ADGRL3: variants seen among roughly 807,000 people sequenced by gnomAD.
The protein encoded by ADGRL3 is adhesion G protein-coupled receptor L3.
ADGRL3 carries 62 observed loss-of-function variants against 153.5 expected under a neutral mutation model. The ratio of observed to expected loss-of-function variants is 0.40; its 90% CI spans 0.33 to 0.50. The LOEUF is 0.50. Ranked by LOEUF, ADGRL3 falls within the 20% of genes least tolerant of loss-of-function variation. The pLI is 0.47. For missense variants in ADGRL3, 1,641 were observed against 1,859.4 expected, an observed-to-expected ratio of 0.88 and a Z score of 2.16; for synonymous variants, 710 against 672.5, an observed-to-expected ratio of 1.06 and a Z score of -0.86.
At chr4:61,468,052 G>A (rs765967598) in intron 2 of ADGRL3, among the ~76,000 whole-genome samples, 5 of 152,036 alleles carry the variant, frequency 3.3e-5, no homozygotes, top group Non-Finnish European at 5.9e-5. Flanking sequence ...TGTAAAAATC[G>A]CTTTAGGCCC....
At chr4:61,295,085 C>G (rs140895454) in intron 1 of ADGRL3, among the ~76,000 whole-genome samples, 5 of 152,126 alleles carry the variant, frequency 3.3e-5, no homozygotes, top group Non-Finnish European at 7.4e-5. Flanking sequence ...TGAAATCTCA[C>G]GTTGTCCTGC....
chr4:62,070,888 C>T lies in ADGRL3; in HGVS notation c.4612C>T (p.His1538Tyr). 1.3e-6 allele frequency: 2 copies of T among 1,549,652 alleles called. No individual in the cohort carries two copies. Among genetic ancestry groups the T allele is most frequent in the Non-Finnish European group, 1.7e-6 (2 of 1,145,904 alleles). ...PPEGSSKGPAHLVTSL is the reference protein window; with the variant it reads ...PPEGSSKGPAYLVTSL ...CGAGGGAAGTTCAAAAGGACCGGCT[C>T]ATTTGGTCACTAGTCTATAGAAGAT... The change falls in exon 27 of 27, where the codon CAT (histidine) becomes TAT (tyrosine). Residue 1538 changes from histidine (H) to tyrosine (Y), a missense_variant. His to Tyr is a moderately conservative substitution (Grantham distance 83, BLOSUM62 2). Transcript: ENST00000683033.
intron 4 of ADGRL3, chr4:61,579,649 T>G (rs536691875): frequency 2.0e-6 from 1 of 501,246 alleles, no homozygotes; most frequent in Non-Finnish European, 3.9e-6. Flanking sequence ...AATTGTTTGA[T>G]GATGTACCAC....
At chr4:61,684,881 A>G (rs2095413753) in intron 6 of ADGRL3, among the ~76,000 whole-genome samples, 1 of 151,580 alleles carries the variant, frequency 6.6e-6, no homozygotes, top group South Asian at 2.1e-4. Context: ...CTAGAGTTTC[A>G]TTCTAGTAGA....
rs375555324 is a variant in ADGRL3, at chr4:61,868,971, C to T, written c.1481-23685C>T. On this transcript the variant is annotated intron_variant, in intron 9 of 26. Coordinates refer to ENST00000683033, the MANE Select transcript of ADGRL3 (RefSeq NM_001387552.1). ...CTTGAGACAGGGTCTCTATATGCCA[C>T]CAGGCTAGAGTATAGCAGCTCACTG... is the stretch of plus-strand genomic sequence containing the variant. 5.6e-4 allele frequency among the ~76,000 whole-genome samples: 86 copies of T among 152,230 alleles called. No homozygotes were observed. The East Asian group carries it at 7.4e-3, about 13-fold the overall frequency.
chr4:61,743,324 C>CAAAAAAA (rs752363213), intron 8 of ADGRL3, among the ~76,000 whole-genome samples: 48 of 50,060 alleles, frequency 9.6e-4, no homozygotes, highest in Non-Finnish European at 1.7e-3. Flanking sequence ...GACTCCATCT[C>CAAAAAAA]AAAAAAAAAA....
chr4:62,010,628 C>T (rs996238187), intron 21 of ADGRL3, among the ~76,000 whole-genome samples: 1 of 151,938 alleles, frequency 6.6e-6, no homozygotes, highest in Non-Finnish European at 1.5e-5. Context: ...TTTAAAAAAT[C>T]AAGTCTAATA....
chr4:61,286,053 C>G (rs2093929215), intron 1 of ADGRL3, among the ~76,000 whole-genome samples: 1 of 151,086 alleles, frequency 6.6e-6, no homozygotes, highest in African/African-American at 2.4e-5. Flanking sequence ...GTGTTTCATT[C>G]TCTCAGAATC....
At chr4:61,758,541 C>T (rs947854863) in intron 8 of ADGRL3, among the ~76,000 whole-genome samples, 9 of 152,268 alleles carry the variant, frequency 5.9e-5, no homozygotes, top group African/African-American at 1.7e-4. Context: ...GGTAGATCTT[C>T]CTCCATTCCT....
rs1208486115 is a variant in ADGRL3 at position 61,555,689 on chromosome 4, A to G, written c.260-31538A>G. Among the ~76,000 whole-genome samples, 3 of 152,180 alleles carry G rather than the reference A, an allele frequency of 2.0e-5. No homozygotes were observed. The East Asian group carries it at 5.8e-4, about 29-fold the overall frequency. On this transcript the variant is annotated intron_variant, in intron 4 of 26. Coordinates refer to ENST00000683033, the MANE Select transcript of ADGRL3 (RefSeq NM_001387552.1). ...ACAAGTTTATTAGGAAAGTAAAGGA[A>G]TGAGAGAATGGCTACTCCATAGACA...
intron 5 of ADGRL3, among the ~76,000 whole-genome samples, chr4:61,631,124 A>G (rs2093139891): frequency 6.6e-6 from 1 of 152,146 alleles, no homozygotes; most frequent in African/African-American, 2.4e-5. Flanking sequence ...ATACTGTCAA[A>G]GGTTTTCTTT....
At chr4:61,643,980 C>G (rs1460004822) in intron 5 of ADGRL3, among the ~76,000 whole-genome samples, 1 of 87,270 alleles carries the variant, frequency 1.1e-5, no homozygotes, top group African/African-American at 4.2e-5. Context: ...TGTTATTGGT[C>G]TATTCAGAGA....
chr4:61,332,725 T>C lies in ADGRL3; in HGVS notation c.-239-50399T>C, dbSNP rs529402652. Among the ~76,000 whole-genome samples the C allele has an allele frequency of 7.2e-5, 11 of 152,288 alleles. 1 individual carries two copies. In the South Asian group the frequency reaches 1.9e-3, roughly 26 times the overall value. ...AAGGATGTTTGCTGGTCAATGCCGG[T>C]GACCAAAATGGACTATAGAAAGATT... is the stretch of plus-strand genomic sequence containing the variant. On this transcript the variant is annotated intron_variant, in intron 1 of 26. Coordinates refer to ENST00000683033, the MANE Select transcript of ADGRL3 (RefSeq NM_001387552.1).
At chr4:61,659,049 T>G (rs1239167444) in intron 5 of ADGRL3, among the ~76,000 whole-genome samples, 3 of 152,168 alleles carry the variant, frequency 2.0e-5, no homozygotes, top group African/African-American at 7.2e-5. Flanking sequence ...CTGTTAATCC[T>G]TAGCATTCTT....
chr4:61,852,810 TTTTATTTATTTATTTA>T (rs145148534), intron 9 of ADGRL3, among the ~76,000 whole-genome samples: 36 of 149,652 alleles, frequency 2.4e-4, no homozygotes, highest in East Asian at 2.0e-3. Flanking sequence ...ACTCATCATC[TTTTATTTATTTATTTA>T]TTTATTTATT....
chr4:61,379,335 A>G (rs1026972124), intron 1 of ADGRL3, among the ~76,000 whole-genome samples: 2 of 152,046 alleles, frequency 1.3e-5, no homozygotes, highest in African/African-American at 4.8e-5. Context: ...ACATCCAAAA[A>G]AATTGAAATG....
At chr4:61,358,596 C>A (rs1254064424) in intron 1 of ADGRL3, among the ~76,000 whole-genome samples, 96 of 96,838 alleles carry the variant, frequency 9.9e-4, no homozygotes, top group African/African-American at 1.8e-3. Context: ...GACTCCGTCT[C>A]AAAAAAAAAA....
intron 6 of ADGRL3, among the ~76,000 whole-genome samples, chr4:61,724,258 C>T (rs1020448044): frequency 2.0e-5 from 3 of 151,974 alleles, no homozygotes; most frequent in East Asian, 1.9e-4. Context: ...ATAATAACTT[C>T]GAAAAATTAT....
intron 5 of ADGRL3, among the ~76,000 whole-genome samples, chr4:61,622,686 C>T (rs1266098437): frequency 6.6e-6 from 1 of 151,896 alleles, no homozygotes; most frequent in Admixed American, 6.6e-5. Context: ...TCATTTAATC[C>T]CCATAAAAAA....
Sources: gnomAD v4.1 joint callset for allele counts (sites outside exome capture counted in the v4.1 genomes callset) on GRCh38, gnomAD v4.1.1 for gene constraint, MANE v1.5 for transcripts, NCBI Gene and HGNC (gene_info 2026-07-23, HGNC 2026-07-21) for gene names.